The following CHDH variants were observed in gnomAD, a reference collection of about 807,000 sequenced individuals.
The protein encoded by CHDH is choline dehydrogenase.
Under a neutral mutation model 56.9 loss-of-function variants are expected in CHDH, and 43 were observed. The observed-to-expected ratio is 0.76, with a 90% CI of 0.59 to 0.97. CHDH has a LOEUF of 0.97. CHDH is among the 50% of genes least tolerant of loss of function. The pLI, the probability that CHDH is intolerant of heterozygous loss-of-function variation, is 0.00. For missense variants in CHDH, 816 were observed against 821.1 expected, an observed-to-expected ratio of 0.99 and a Z score of 0.08; for synonymous variants, 364 against 348.5, an observed-to-expected ratio of 1.04 and a Z score of -0.50.
intron 2 of CHDH, among the ~76,000 whole-genome samples, chr3:53,828,219 C>T (rs909085819): frequency 6.7e-6 from 1 of 148,694 alleles, no homozygotes; most frequent in Non-Finnish European, 1.5e-5. Context: ...TAGACAAAGA[C>T]CTTATACCCT....
chr3:53,814,556 T>C lies in CHDH; in HGVS notation c.*3221A>G, dbSNP rs1309528344. On this transcript the variant is annotated 3_prime_UTR_variant, in exon 9 of 9. Coordinates refer to ENST00000315251, the MANE Select transcript of CHDH (RefSeq NM_018397.5). ...AACAGGTCCAGTAGAGATGGTATTTTATCTTTAAAAAATCTGTATTGGATC... is the reference window on the plus strand; with the variant it reads ...AACAGGTCCAGTAGAGATGGTATTTCATCTTTAAAAAATCTGTATTGGATC... 1.3e-5 allele frequency: 2 copies of C among 152,226 alleles called. No homozygotes were observed. Among genetic ancestry groups the C allele is most frequent in the Admixed American group, 6.5e-5 (1 of 15,288 alleles). 9.4% of individuals were successfully genotyped at this position (152,226 alleles called of 1,614,324 possible). A position where few individuals can be genotyped will look rare whatever the true frequency, so the allele number is the denominator to read the frequency against.
chr3:53,824,124 A>T, intron 2 of CHDH, 57 bp from the exon 3 acceptor site: 1 of 1,053,154 alleles, frequency 9.5e-7, no homozygotes, highest in Non-Finnish European at 1.3e-6. Context: ...GGGTATGCTC[A>T]CCAACGGCCT....
At chr3:53,818,331 A>G in intron 8 of CHDH, 136 bp from the exon 9 acceptor site, 1 of 772,970 alleles carries the variant, frequency 1.3e-6, no homozygotes, top group Non-Finnish European at 2.0e-6. Context: ...GCCATGGGGG[A>G]CTGAGCCAGC....
rs2095631524 is a variant in CHDH, at chr3:53,823,287, A to AGCACTGGGCAGGAGGAAGGAGCTG, written c.703+18_703+19insCAGCTCCTTCCTCCTGCCCAGTGC. ...GGTAGGGGGTAGTGCTTTTTTAAAA[A>AGCACTGGGCAGGAGGAAGGAGCTG]GAGAAGGGAGACCACTACCTTCATG... On this transcript the variant is annotated intron_variant, in intron 3 of 8. Transcript: ENST00000315251. 1 of 1,493,880 alleles carries AGCACTGGGCAGGAGGAAGGAGCTG rather than the reference A, an allele frequency of 6.7e-7. No homozygotes were observed. The highest frequency in any genetic ancestry group is 1.4e-5 in the African/African-American group (1 of 70,398). 92.5% of individuals were successfully genotyped at this position (1,493,880 alleles called of 1,614,324 possible). A position where few individuals can be genotyped will look rare whatever the true frequency, so the allele number is the denominator to read the frequency against.
chr3:53,819,553 G>A lies in CHDH; in HGVS notation c.1242C>T (p.Pro414=), dbSNP rs144271109. 6.2e-7 allele frequency: 1 copy of A among 1,611,972 alleles called. No homozygotes were observed. The highest frequency in any genetic ancestry group is 1.3e-5 in the African/African-American group (1 of 74,936). The change falls in exon 7 of 9, where the codon CCC becomes CCT. Residue 414 remains proline (P), a synonymous_variant. Coordinates refer to ENST00000315251, the MANE Select transcript of CHDH (RefSeq NM_018397.5). This position sits in a 1 kb window ranked among gnomAD's most constrained non-coding sequence, Gnocchi z 5.4. ...PSQVIDHGRV[P]TQQEAYQVHV... is the part of the protein sequence containing the mutation. ...TCACCTGGTAAGCCTCCTGCTGGGT[G>A]GGGACCCGCCCGTGGTCAATCACTT...
In CHDH at chr3:53,818,108, T is replaced by A; in HGVS notation, c.1454A>T (p.Glu485Val). The change falls in exon 9 of 9, where the codon GAG becomes GTG. Residue 485 changes from glutamate (E) to valine (V), a missense_variant. Physicochemically the swap from Glu to Val is moderately radical, Grantham distance 121. Coordinates refer to ENST00000315251, the MANE Select transcript of CHDH (RefSeq NM_018397.5). ...QEALAPFRGKELQPGSHIQSD... is the reference protein window; with the variant it reads ...QEALAPFRGKVLQPGSHIQSD... ...CTGAATGTGGCTTCCTGGCTGGAGC[T>A]CTTTCCCTCGGAACGGAGCCAGGGC... 1 of 1,614,034 alleles carries A rather than the reference T, an allele frequency of 6.2e-7. No homozygotes were observed. The highest frequency in any genetic ancestry group is 8.5e-7 in the Non-Finnish European group (1 of 1,179,938).
At chr3:53,828,182 C>T (rs1239589444) in intron 2 of CHDH, among the ~76,000 whole-genome samples, 9 of 151,826 alleles carry the variant, frequency 5.9e-5, no homozygotes, top group Non-Finnish European at 1.3e-4. Flanking sequence ...CACACACACA[C>T]ACACACACAC....
intron 1 of CHDH, among the ~76,000 whole-genome samples, 194 bp downstream of exon 1, chr3:53,845,889 T>A (rs1383194804): frequency 6.6e-6 from 1 of 152,204 alleles, no homozygotes; most frequent in African/African-American, 2.4e-5. Flanking sequence ...AAGAATTCGC[T>A]CCCTCAAAGG....
chr3:53,823,455 C>A lies in CHDH; in HGVS notation c.554G>T (p.Gly185Val), dbSNP rs1425262850. Reference protein sequence around the residue: ...LGASRYRGADGPLRVSRGKTN... With the variant: ...LGASRYRGADVPLRVSRGKTN... Reference sequence around the variant, plus strand: ...CTTGCCCCGGGACACCCGCAGCGGGCCATCGGCGCCCCGGTACCGGCTGGC... The same window carrying A: ...CTTGCCCCGGGACACCCGCAGCGGGACATCGGCGCCCCGGTACCGGCTGGC... The change falls in exon 3 of 9, where the codon GGC becomes GTC. Residue 185 changes from glycine to valine, a missense_variant. Transcript: ENST00000315251. 6.4e-7 allele frequency: 1 copy of A among 1,559,542 alleles called. No individual in the cohort carries two copies. Among genetic ancestry groups the A allele is most frequent in the Admixed American group, 1.9e-5 (1 of 52,572 alleles).
Position 53,817,453 on chromosome 3 carries a change from C to T in CHDH, c.*324G>A, listed in dbSNP as rs1246676895. The T allele has an allele frequency of 1.3e-5, 4 of 314,434 alleles. No homozygotes were observed. Among genetic ancestry groups the T allele is most frequent in the Admixed American group, 4.6e-5 (1 of 21,598 alleles). The allele number at this position is 314,434 out of a possible 1,614,324, so 19.5% of individuals were successfully genotyped here. On this transcript the variant is annotated 3_prime_UTR_variant, in exon 9 of 9. Coordinates refer to ENST00000315251, the MANE Select transcript of CHDH (RefSeq NM_018397.5). ...AACCACTGCCCTGGGTTAGAGAATG[C>T]CACGTGAACACAAGAAAAAGGATGC... is the stretch of plus-strand genomic sequence containing the variant.
At chr3:53,842,338 CA>C (rs959167990) in intron 1 of CHDH, among the ~76,000 whole-genome samples, 1 of 152,058 alleles carries the variant, frequency 6.6e-6, no homozygotes, top group African/African-American at 2.4e-5. Context: ...TATCATGGAT[CA>C]AAAAATATAC....
At chr3:53,838,132 G>C (rs115687459) in intron 2 of CHDH, among the ~76,000 whole-genome samples, 464 of 151,988 alleles carry the variant, frequency 3.1e-3, no homozygotes, top group African/African-American at 0.01. Flanking sequence ...AGGCAAGGGT[G>C]GGGGGCCCAG....
At chr3:53,834,570 A>G (rs1231123046) in intron 2 of CHDH, among the ~76,000 whole-genome samples, 1 of 152,204 alleles carries the variant, frequency 6.6e-6, no homozygotes, top group Admixed American at 6.5e-5. Context: ...GGCCAATTGC[A>G]CAAGACATTT....
At chr3:53,837,785 C>T (rs1457137122) in intron 2 of CHDH, among the ~76,000 whole-genome samples, 1 of 152,030 alleles carries the variant, frequency 6.6e-6, no homozygotes, top group Non-Finnish European at 1.5e-5. Context: ...AGGCCGGGCG[C>T]GGTGGCTCAC....
In CHDH at chr3:53,823,917, GCCAGGGCCCGGGCAC is replaced by G; in HGVS notation, c.77_91del (p.Gly26_Leu30del). ...GTCCCGGCTCTCAGAGCCTGCGCTG[GCCAGGGCCCGGGCAC>G]CCAGGGATTGCTGCTGCCCCAGGGC... On this transcript the variant is annotated inframe_deletion, in exon 3 of 9. Coordinates refer to ENST00000315251, the MANE Select transcript of CHDH (RefSeq NM_018397.5). 6.4e-7 allele frequency: 1 copy of G among 1,551,408 alleles called. No individual in the cohort carries two copies. The highest frequency in any genetic ancestry group is 1.4e-5 in the African/African-American group (1 of 73,352).
chr3:53,823,927 G>A lies in CHDH; in HGVS notation c.82C>T (p.Arg28Trp), dbSNP rs776667605. 2.4e-5 allele frequency: 37 copies of A among 1,543,680 alleles called. No individual in the cohort carries two copies. The highest frequency in any genetic ancestry group is 1.2e-4 in the East Asian group (5 of 41,048). The part of the protein sequence containing the change: ...ALGQQQSLGA[R>W]ALASAGSESR... ...TCAGAGCCTGCGCTGGCCAGGGCCC[G>A]GGCACCCAGGGATTGCTGCTGCCCC... is the stretch of plus-strand genomic sequence containing the variant. The change falls in exon 3 of 9, where the codon CGG (arginine) becomes TGG (tryptophan). Residue 28 changes from arginine (R) to tryptophan (W), a missense_variant. Physicochemically the swap from Arg to Trp is moderately radical, Grantham distance 101 (BLOSUM62 -3). Coordinates refer to ENST00000315251, the MANE Select transcript of CHDH (RefSeq NM_018397.5).
chr3:53,837,678 T>C (rs1698540836), intron 2 of CHDH, among the ~76,000 whole-genome samples: 1 of 152,168 alleles, frequency 6.6e-6, no homozygotes, highest in African/African-American at 2.4e-5. Context: ...TCCAGGCCTC[T>C]GCCCTCTGCA....
chr3:53,824,050 G>T lies in CHDH; in HGVS notation c.-42C>A. 1 of 1,406,406 alleles carries T rather than the reference G, an allele frequency of 7.1e-7. No individual in the cohort carries two copies. The highest frequency in any genetic ancestry group is 1.5e-5 in the South Asian group (1 of 65,562). The allele number at this position is 1,406,406 out of a possible 1,614,324, so 87.1% of individuals were successfully genotyped here. ...AGTCCTCTGATCCACGGAGGGGAATGAGATGACTCACTTCTCCCTAAAACA... is the reference window on the plus strand; with the variant it reads ...AGTCCTCTGATCCACGGAGGGGAATTAGATGACTCACTTCTCCCTAAAACA... On this transcript the variant is annotated 5_prime_UTR_variant, in exon 3 of 9. Transcript: ENST00000315251.
Position 53,816,754 on chromosome 3 carries a change from C to T in CHDH, c.*1023G>A, listed in dbSNP as rs1355574450. On this transcript the variant is annotated 3_prime_UTR_variant, in exon 9 of 9. Transcript: ENST00000315251. ...GGTAAAAGGAAAACCTTTTAAAATG[C>T]TAAGTCATAAAACCTTTGGTAGTGA... 1 of 151,638 alleles carries T rather than the reference C, an allele frequency of 6.6e-6. No homozygotes were observed. Among genetic ancestry groups the T allele is most frequent in the Non-Finnish European group, 1.5e-5 (1 of 67,990 alleles). The allele number at this position is 151,638 out of a possible 1,614,324, so 9.4% of individuals were successfully genotyped here.
Sources: allele counts gnomAD v4.1 joint callset (sites outside exome capture counted in the v4.1 genomes callset), GRCh38; gene constraint gnomAD v4.1.1; non-coding constraint Gnocchi (gnomAD v3.1); transcripts MANE v1.5; gene names NCBI Gene and HGNC (gene_info 2026-07-23, HGNC 2026-07-21).